The following PCDH15 variants were observed in gnomAD, a reference collection of about 807,000 sequenced individuals.
PCDH15 encodes protocadherin-15.
In PCDH15, 129 loss-of-function variants were observed where a neutral mutation model predicts 178.5. The ratio of observed to expected loss-of-function variants is 0.72; its 90% confidence interval spans 0.63 to 0.84. PCDH15 has a LOEUF of 0.84. Ranked by LOEUF, PCDH15 falls within the 40% of genes least tolerant of loss-of-function variation. The pLI is 0.00. For synonymous variants in PCDH15, 800 were observed against 732.0 expected, an observed-to-expected ratio of 1.09 and a Z score of -1.50; for missense variants, 2,230 against 2,099.9, an observed-to-expected ratio of 1.06 and a Z score of -1.21.
chr10:54,659,957 G>A (rs1224150817), intron 2 of PCDH15, among the ~76,000 whole-genome samples: 4 of 151,962 alleles, frequency 2.6e-5, no homozygotes, highest in Non-Finnish European at 5.9e-5. Flanking sequence ...AAAGTTTAAA[G>A]CACTAAATGC....
chr10:53,828,500 T>C, intron 31 of PCDH15, 65 bp downstream of exon 31: 1 of 1,342,406 alleles, frequency 7.4e-7, no homozygotes, highest in Non-Finnish European at 1.1e-6. Context: ...ACTTGATTGA[T>C]ATAATCTCGG....
rs1159194856 is a variant in PCDH15 at position 55,220,510 on chromosome 10, C to T, written c.-155-53859G>A. On this transcript the variant is annotated intron_variant, in intron 1 of 5. Transcript: ENST00000458638. ...TGTTGTACGAACATTATAGAGTATA[C>T]TTACACAAGCCCAGGTGGTATAGCC... Among the ~76,000 whole-genome samples, 8 of 152,132 alleles carry T rather than the reference C, an allele frequency of 5.3e-5. No homozygotes were observed. The East Asian group carries it at 1.2e-3, about 22-fold the overall frequency.
rs1432698483 is a variant in PCDH15, at chr10:54,183,716, A to C, written c.1441-123T>G. 3 of 1,132,626 alleles carry C rather than the reference A, an allele frequency of 2.6e-6. No homozygotes were observed. The African/African-American group carries it at 4.6e-5, about 17-fold the overall frequency. 70.2% of individuals were successfully genotyped at this position (1,132,626 alleles called of 1,614,324 possible). A position where few individuals can be genotyped will look rare whatever the true frequency, so the allele number is the denominator to read the frequency against. The stretch of plus-strand genomic sequence containing the variant: ...TTACAATTTGAAAGGGTGCAAAAAT[A>C]TTTTGTTGATAAAAGGACGTAATAG... On this transcript the variant is annotated intron_variant, in intron 12 of 37. Transcript: ENST00000644397.
At chr10:55,466,479 C>T (rs1166758540) in intron 2 of PCDH15, among the ~76,000 whole-genome samples, 1 of 152,062 alleles carries the variant, frequency 6.6e-6, no homozygotes, top group Non-Finnish European at 1.5e-5. Flanking sequence ...CGCCTACATC[C>T]GCTGACTCAC....
intron 2 of PCDH15, among the ~76,000 whole-genome samples, chr10:55,117,867 C>T (rs912724277): frequency 6.6e-6 from 1 of 152,070 alleles, no homozygotes; most frequent in Admixed American, 6.5e-5. Flanking sequence ...GAATATTCAG[C>T]TTAAATTAGA....
At chr10:55,379,216 G>C (rs1565077110) in intron 2 of PCDH15, among the ~76,000 whole-genome samples, 2 of 151,858 alleles carry the variant, frequency 1.3e-5, no homozygotes, top group South Asian at 4.1e-4. Context: ...AGATGTAACT[G>C]TAAATAATCA....
intron 2 of PCDH15, among the ~76,000 whole-genome samples, chr10:54,987,344 A>G (rs553630843): frequency 2.0e-5 from 3 of 152,238 alleles, no homozygotes; most frequent in African/African-American, 7.2e-5. Flanking sequence ...ATGTATCTTT[A>G]TGGTAGAATG....
At chr10:53,834,173 A>G (rs1201769694) in intron 29 of PCDH15, among the ~76,000 whole-genome samples, 1 of 152,130 alleles carries the variant, frequency 6.6e-6, no homozygotes, top group Non-Finnish European at 1.5e-5. Flanking sequence ...GGCACTTTAG[A>G]TTAAAGACTA....
At chr10:55,175,179 A>G (rs7093709) in intron 1 of PCDH15, among the ~76,000 whole-genome samples, 16,041 of 152,166 alleles carry the variant, frequency 0.11, 891 homozygotes, top group Middle Eastern at 0.13. Context: ...TCAGATGTGC[A>G]TAGCGGAGGG....
At chr10:54,389,966 C>T (rs1181118582) in intron 3 of PCDH15, among the ~76,000 whole-genome samples, 1 of 151,774 alleles carries the variant, frequency 6.6e-6, no homozygotes, top group African/African-American at 2.4e-5. Flanking sequence ...ATAAAATAGC[C>T]ATCCATATCA....
chr10:54,013,802 C>G (rs1206289870), intron 20 of PCDH15, among the ~76,000 whole-genome samples: 3 of 151,790 alleles, frequency 2.0e-5, no homozygotes, highest in Non-Finnish European at 4.4e-5. Flanking sequence ...TTAAAAAAGT[C>G]AGAAGGATAT....
chr10:54,408,052 CAAAA>C (rs71461239), intron 3 of PCDH15, among the ~76,000 whole-genome samples: 3 of 83,726 alleles, frequency 3.6e-5, no homozygotes, highest in Non-Finnish European at 2.2e-5. Flanking sequence ...GAGACTCTGT[CAAAA>C]AAAAAAAAAA....
chr10:54,028,999 T>C (rs2093213351), intron 18 of PCDH15, among the ~76,000 whole-genome samples: 1 of 152,136 alleles, frequency 6.6e-6, no homozygotes, highest in African/African-American at 2.4e-5. Flanking sequence ...TTAAGGTGAC[T>C]GAGACACACA....
At chr10:54,123,821 C>A (rs187296554) in intron 15 of PCDH15, among the ~76,000 whole-genome samples, 1 of 152,178 alleles carries the variant, frequency 6.6e-6, no homozygotes, top group Admixed American at 6.5e-5. Flanking sequence ...TACTACATAG[C>A]CCTAAAAAAG....
chr10:54,947,504 G>T (rs1456196149), intron 2 of PCDH15, among the ~76,000 whole-genome samples: 1 of 151,820 alleles, frequency 6.6e-6, no homozygotes, highest in African/African-American at 2.4e-5. Flanking sequence ...GCTAGTTACT[G>T]GCAGAACTAT....
chr10:54,501,792 T>G (rs1172733079), intron 3 of PCDH15, among the ~76,000 whole-genome samples: 2 of 152,070 alleles, frequency 1.3e-5, no homozygotes, highest in South Asian at 4.1e-4. Flanking sequence ...TTGTTTTATT[T>G]GATTTTTAAA....
intron 6 of PCDH15, among the ~76,000 whole-genome samples, chr10:54,343,775 C>G (rs1402952274): frequency 6.6e-6 from 1 of 150,732 alleles, no homozygotes; most frequent in African/African-American, 2.4e-5. Context: ...TGCACATGTA[C>G]CCTAGAACTT....
intron 23 of PCDH15, among the ~76,000 whole-genome samples, chr10:53,944,362 G>A (rs1447849025): frequency 2.0e-5 from 3 of 152,088 alleles, no homozygotes; most frequent in African/African-American, 4.8e-5. Flanking sequence ...CTGATATAAT[G>A]TGAGTTATCA....
At chr10:53,837,444 A>T (rs141762033) in intron 29 of PCDH15, among the ~76,000 whole-genome samples, 85 of 152,316 alleles carry the variant, frequency 5.6e-4, no homozygotes, top group African/African-American at 2.0e-3. Flanking sequence ...AAGTCATTCC[A>T]GTCCTGTCTA....
Sources: allele counts gnomAD v4.1 joint callset (sites outside exome capture counted in the v4.1 genomes callset), GRCh38; gene constraint gnomAD v4.1.1; transcripts MANE v1.5; gene names NCBI Gene and HGNC (gene_info 2026-07-23, HGNC 2026-07-21).